Variants in ITPR2 observed in about 807,000 individuals in gnomAD.
ITPR2 encodes inositol 1,4,5-trisphosphate-gated calcium channel ITPR2.
ITPR2 carries 207 observed loss-of-function variants against 317.1 expected under a neutral mutation model. The observed-to-expected ratio is 0.65, with a 90% CI of 0.58 to 0.73. The LOEUF is 0.73. Ranked by LOEUF, ITPR2 falls within the 30% of genes least tolerant of loss-of-function variation. The pLI is 0.00. For missense variants in ITPR2, 2,613 were observed against 3,284.0 expected, an observed-to-expected ratio of 0.80 and a Z score of 4.99; for synonymous variants, 1,156 against 1,149.1, an observed-to-expected ratio of 1.01 and a Z score of -0.12.
At chr12:26,541,363 T>C (rs1944256306) in intron 37 of ITPR2, among the ~76,000 whole-genome samples, 1 of 151,938 alleles carries the variant, frequency 6.6e-6, no homozygotes, top group Non-Finnish European at 1.5e-5. Flanking sequence ...ACAACCACAA[T>C]ATACATGGGA....
chr12:26,670,723 A>T (rs1947748129), intron 13 of ITPR2, among the ~76,000 whole-genome samples: 2 of 152,238 alleles, frequency 1.3e-5, no homozygotes, highest in Admixed American at 1.3e-4. Flanking sequence ...GAGTTGAGAG[A>T]AGAAGGCTTC....
chr12:26,587,016 T>C (rs1945546403), intron 32 of ITPR2, among the ~76,000 whole-genome samples: 1 of 151,538 alleles, frequency 6.6e-6, no homozygotes, highest in African/African-American at 2.4e-5. Context: ...ATTTATTATA[T>C]ATTAATATAT....
At chr12:26,653,440 C>A (rs1947302855) in intron 21 of ITPR2, among the ~76,000 whole-genome samples, 1 of 152,150 alleles carries the variant, frequency 6.6e-6, no homozygotes, top group Middle Eastern at 3.4e-3. Context: ...CGGGTTTTCA[C>A]CATGTTGGCC....
chr12:26,686,859 C>T (rs1348013842), intron 10 of ITPR2, among the ~76,000 whole-genome samples: 2 of 152,180 alleles, frequency 1.3e-5, no homozygotes, highest in Non-Finnish European at 2.9e-5. Context: ...GATCTGCCCA[C>T]ATCATTAAGG....
intron 1 of ITPR2, among the ~76,000 whole-genome samples, chr12:26,800,553 A>C (rs549572759): frequency 6.6e-6 from 1 of 152,290 alleles, no homozygotes; most frequent in South Asian, 2.1e-4. Flanking sequence ...TCTTGAGCCC[A>C]GGAGTCTGAG....
chr12:26,771,459 A>C (rs1488941324), intron 2 of ITPR2, among the ~76,000 whole-genome samples: 1 of 152,204 alleles, frequency 6.6e-6, no homozygotes, highest in East Asian at 1.9e-4. Flanking sequence ...ATACATTTCT[A>C]CTATATATAG....
At chr12:26,781,989 CCT>C (rs1491369644) in intron 2 of ITPR2, among the ~76,000 whole-genome samples, 202 of 73,552 alleles carry the variant, frequency 2.7e-3, no homozygotes, top group African/African-American at 0.011. Context: ...AATAAACTCC[CCT>C]GTATATATAT....
In ITPR2 at chr12:26,391,546, TC is replaced by T. The variant is rs1344399343; in HGVS notation, c.7697-3953del. Among the ~76,000 whole-genome samples the T allele has an allele frequency of 2.4e-3, 295 of 123,334 alleles. 1 individual carries two copies. The highest frequency in any genetic ancestry group is 4.0e-3 in the Non-Finnish European group (231 of 57,520). The allele number at this position is 123,334 out of a possible 152,430, so 80.9% of individuals were successfully genotyped here. On this transcript the variant is annotated intron_variant, in intron 54 of 56. Transcript: ENST00000381340. Reference sequence around the variant, plus strand: ...TATTCTGAAAGCTTCTTCTTCTTCTTCTTCTTTTCCTTTTTTTTTTTTTTTT... The same window carrying T: ...TATTCTGAAAGCTTCTTCTTCTTCTTTTCTTTTCCTTTTTTTTTTTTTTTT...
At chr12:26,592,860 A>G (rs1303653293) in intron 32 of ITPR2, among the ~76,000 whole-genome samples, 1 of 152,200 alleles carries the variant, frequency 6.6e-6, no homozygotes, top group Non-Finnish European at 1.5e-5. Flanking sequence ...CATAATTTCT[A>G]GTTTTTCCCT....
At chr12:26,759,970 G>C (rs990066895) in intron 2 of ITPR2, among the ~76,000 whole-genome samples, 3 of 152,134 alleles carry the variant, frequency 2.0e-5, no homozygotes, top group Non-Finnish European at 2.9e-5. Context: ...TGGATTCCAG[G>C]ACCCTCTGCA....
At chr12:26,523,522 C>A (rs1029141299) in intron 37 of ITPR2, among the ~76,000 whole-genome samples, 2 of 138,052 alleles carry the variant, frequency 1.4e-5, no homozygotes, top group Non-Finnish European at 3.3e-5. Flanking sequence ...ATGGCAAAAT[C>A]TTTTTTTTTT....
intron 36 of ITPR2, among the ~76,000 whole-genome samples, chr12:26,553,306 C>T (rs1944575235): frequency 6.6e-6 from 1 of 152,222 alleles, no homozygotes; most frequent in African/African-American, 2.4e-5. Context: ...ATTCTCTTCT[C>T]TTTCACTCTA....
chr12:26,763,393 G>T (rs1432386910), intron 2 of ITPR2, among the ~76,000 whole-genome samples: 1 of 152,036 alleles, frequency 6.6e-6, no homozygotes, highest in Non-Finnish European at 1.5e-5. Flanking sequence ...GAAAATAAAG[G>T]TATGACTTTT....
At position 26,743,015 on chromosome 12, in the gene ITPR2, C is replaced by T. The variant is rs143974767; in HGVS notation, c.164-17250G>A. Among the ~76,000 whole-genome samples the T allele has an allele frequency of 3.2e-3, 488 of 152,220 alleles. 4 individuals carry two copies. The highest frequency in any genetic ancestry group is 0.011 in the African/African-American group (457 of 41,548). On this transcript the variant is annotated intron_variant, in intron 2 of 56. Transcript: ENST00000381340. ...GGGAGGAGGGGGAAATTGGGAGTGA[C>T]TGCTAATGGCTGTATCTTTTGGAGG... is the stretch of plus-strand genomic sequence containing the variant.
chr12:26,456,314 G>A (rs1941883722), intron 45 of ITPR2, among the ~76,000 whole-genome samples: 1 of 152,190 alleles, frequency 6.6e-6, no homozygotes, highest in Non-Finnish European at 1.5e-5. Context: ...TATTGCATTG[G>A]CATGCTTAAA....
chr12:26,515,859 C>T lies in ITPR2; in HGVS notation c.5074-20599G>A, dbSNP rs146920006. Among the ~76,000 whole-genome samples the T allele has an allele frequency of 9.9e-4, 151 of 151,868 alleles. 1 individual carries two copies. Among genetic ancestry groups the T allele is most frequent in the African/African-American group, 3.4e-3 (142 of 41,420 alleles). On this transcript the variant is annotated intron_variant, in intron 37 of 56. Coordinates refer to ENST00000381340, the MANE Select transcript of ITPR2 (RefSeq NM_002223.4). ...GTATGGTGGCTCATGCCTGTAATCC[C>T]AGCACTTTGGGAGGCTGAGGCAGGC... is the stretch of plus-strand genomic sequence containing the variant.
intron 32 of ITPR2, among the ~76,000 whole-genome samples, chr12:26,581,480 T>C (rs914395545): frequency 2.6e-5 from 4 of 152,222 alleles, no homozygotes; most frequent in African/African-American, 9.6e-5. Flanking sequence ...ATAAATTATG[T>C]CAAATTATGT....
chr12:26,704,751 C>T (rs1262168100), intron 9 of ITPR2, among the ~76,000 whole-genome samples: 1 of 152,042 alleles, frequency 6.6e-6, no homozygotes, highest in Non-Finnish European at 1.5e-5. Flanking sequence ...ATATAATATA[C>T]ATTCTTAACT....
At position 26,653,982 on chromosome 12, in the gene ITPR2, C is replaced by A; in HGVS notation, c.2734G>T (p.Asp912Tyr). The A allele has an allele frequency of 6.2e-7, 1 of 1,609,328 alleles. No individual in the cohort carries two copies. The highest frequency in any genetic ancestry group is 8.5e-7 in the Non-Finnish European group (1 of 1,177,020). ...CATTTCCCAAAATTCTTACCTCCATCTTGAAATTTGCTTAATCTTTCAAAG... is the reference window on the plus strand; with the variant it reads ...CATTTCCCAAAATTCTTACCTCCATATTGAAATTTGCTTAATCTTTCAAAG... The part of the protein sequence containing the change: ...SYFERLSKFQ[D>Y]GGNNVMRTIH... Residue 912 changes from aspartate (D) to tyrosine (Y), a missense_variant, in exon 21 of 57, where the codon GAT becomes TAT. Transcript: ENST00000381340.
Sources: allele counts gnomAD v4.1 joint callset (sites outside exome capture counted in the v4.1 genomes callset), GRCh38; gene constraint gnomAD v4.1.1; transcripts MANE v1.5; gene names NCBI Gene and HGNC (gene_info 2026-07-23, HGNC 2026-07-21).